Variants in GLRA2 observed in about 807,000 individuals in gnomAD.
The protein encoded by GLRA2 is glycine receptor alpha 2, also known as glycine receptor subunit alpha-2.
In GLRA2, 11 loss-of-function variants were observed where a neutral mutation model predicts 31.6. The observed-to-expected ratio is 0.35, with a 90% CI of 0.22 to 0.58. GLRA2 has a LOEUF of 0.58. Among genes scored for constraint, GLRA2 ranks in the 20% least tolerant of loss-of-function variants. The pLI is 0.84. For missense variants in GLRA2, 212 were observed against 351.8 expected, an observed-to-expected ratio of 0.60 and a Z score of 3.18; for synonymous variants, 132 against 134.0, an observed-to-expected ratio of 0.99 and a Z score of 0.10.
chrX:14,570,426 A>C (rs1331473507), intron 2 of GLRA2, among the ~76,000 whole-genome samples: 1 of 112,130 alleles, frequency 8.9e-6, no homozygotes. Flanking sequence ...ATTTCCAAGG[A>C]CATTTATGAA....
chrX:14,578,843 C>T (rs975760356), intron 3 of GLRA2, among the ~76,000 whole-genome samples: 2 of 111,480 alleles, frequency 1.8e-5, no homozygotes, highest in African/African-American at 6.5e-5. Context: ...TGCTCTCTTC[C>T]CAGCTTCCAA....
At chrX:14,527,051 G>A (rs2089189768), upstream of GLRA2, among the ~76,000 whole-genome samples, 1 of 111,492 alleles carries the variant, frequency 9.0e-6, no homozygotes, top group African/African-American at 3.3e-5. Flanking sequence ...GAAATGTCAA[G>A]TAAGATGAGA....
At chrX:14,598,041 ATAGGTTCCAGCCCC>A (rs2090226864) in intron 4 of GLRA2, among the ~76,000 whole-genome samples, 1 of 111,461 alleles carries the variant, frequency 9.0e-6, no homozygotes, top group East Asian at 2.8e-4. Flanking sequence ...AAGGAGCACC[ATAGGTTCCAGCCCC>A]CAGATGTGTC....
chrX:14,476,761 T>C, the GLRA2 span, among the ~76,000 whole-genome samples: 2 of 112,340 alleles, frequency 1.8e-5, no homozygotes. Context: ...TATATTGGCT[T>C]CTTTCCTCCC....
At chrX:14,581,829 A>G (rs2090020625) in intron 4 of GLRA2, among the ~76,000 whole-genome samples, 2 of 109,734 alleles carry the variant, frequency 1.8e-5, no homozygotes, top group Admixed American at 9.8e-5. Context: ...CAGCATAGTC[A>G]TTAACAACAT....
chrX:14,552,913 C>A (rs1422919757), intron 2 of GLRA2, among the ~76,000 whole-genome samples: 3 of 111,926 alleles, frequency 2.7e-5, no homozygotes, highest in Non-Finnish European at 5.6e-5. Context: ...ATTAGCAACT[C>A]TCATGTCCTC....
intron 2 of GLRA2, among the ~76,000 whole-genome samples, chrX:14,558,131 T>G (rs1236217791): frequency 8.9e-6 from 1 of 112,093 alleles, no homozygotes; most frequent in Non-Finnish European, 1.9e-5. Context: ...AGTTGTAGTC[T>G]CCAAGATTTC....
intron 6 of GLRA2, 128 bp downstream of exon 6, chrX:14,607,396 C>A: frequency 1.9e-6 from 1 of 520,092 alleles, no homozygotes; most frequent in Non-Finnish European, 3.1e-6. Context: ...TCGCACGGAC[C>A]TGATTTGGCT....
At chrX:14,497,070 C>G in the GLRA2 span, among the ~76,000 whole-genome samples, 11 of 112,046 alleles carry the variant, frequency 9.8e-5, no homozygotes, top group Admixed American at 9.5e-4. Flanking sequence ...AAACACCATG[C>G]GTCTGATATT....
the GLRA2 span, among the ~76,000 whole-genome samples, chrX:14,467,600 C>A: frequency 1.8e-5 from 2 of 111,989 alleles, no homozygotes; most frequent in African/African-American, 6.5e-5. Context: ...TACTTTATTA[C>A]CACCAGGAAA....
At chrX:14,647,945 TATC>T (rs1249979439) in intron 7 of GLRA2, among the ~76,000 whole-genome samples, 1 of 112,385 alleles carries the variant, frequency 8.9e-6, no homozygotes, top group Admixed American at 9.4e-5. Context: ...TGGAGGATAA[TATC>T]ATAGAATCCT....
In GLRA2 at chrX:14,561,889, A is replaced by G. The variant is rs747113666; in HGVS notation, c.203-12444A>G. Among the ~76,000 whole-genome samples the G allele has an allele frequency of 3.6e-5, 4 of 112,151 alleles. No homozygotes were observed. In the East Asian group the frequency reaches 1.1e-3, roughly 31 times the overall value. ...TGCCTTTAGTCCTTTGAATAGTTCT[A>G]TTGTTATCATCTAACATATATATTG... On this transcript the variant is annotated intron_variant, in intron 2 of 8. Coordinates refer to ENST00000218075, the MANE Select transcript of GLRA2 (RefSeq NM_002063.4).
chrX:14,681,891 C>CAAAAAAAAAAAAAAA (rs1157722406), intron 7 of GLRA2, among the ~76,000 whole-genome samples: 1 of 26,689 alleles, frequency 3.7e-5, no homozygotes, highest in Non-Finnish European at 8.2e-5. Flanking sequence ...GACACCATCT[C>CAAAAAAAAAAAAAAA]AAAAAAAAAA....
intron 3 of GLRA2, among the ~76,000 whole-genome samples, chrX:14,579,235 A>G (rs2089989542): frequency 8.9e-6 from 1 of 112,089 alleles, no homozygotes; most frequent in South Asian, 3.8e-4. Context: ...AGCTGCGTAA[A>G]CAAGTTATAA....
intron 2 of GLRA2, among the ~76,000 whole-genome samples, chrX:14,573,563 T>C (rs1239248088): frequency 2.7e-5 from 3 of 110,483 alleles, no homozygotes; most frequent in African/African-American, 9.9e-5. Flanking sequence ...AAGCAGAGAA[T>C]CATCAGACAG....
intron 3 of GLRA2, 162 bp downstream of exon 3, chrX:14,574,562 G>A (rs1014803139): frequency 6.1e-6 from 7 of 1,144,870 alleles, no homozygotes; most frequent in Non-Finnish European, 6.0e-6. Flanking sequence ...CTACAATGGT[G>A]AGTGGGACTG....
chrX:14,716,269 T>C (rs1569526310), intron 8 of GLRA2, among the ~76,000 whole-genome samples: 4 of 111,520 alleles, frequency 3.6e-5, no homozygotes, highest in Non-Finnish European at 5.7e-5. Context: ...GTCCTATCTC[T>C]TCATTTTAAA....
At chrX:14,485,205 G>T in the GLRA2 span, among the ~76,000 whole-genome samples, 1 of 112,094 alleles carries the variant, frequency 8.9e-6, no homozygotes, top group African/African-American at 3.2e-5. Flanking sequence ...ACTTGAGTGT[G>T]AGGTTATCTC....
intron 4 of GLRA2, among the ~76,000 whole-genome samples, chrX:14,602,352 G>GTTGTTTGTTTGT (rs368812932): frequency 6.5e-4 from 68 of 104,217 alleles, no homozygotes; most frequent in Non-Finnish European, 9.7e-4. Flanking sequence ...TGTACAAACC[G>GTTGTTTGTTTGT]TTGTTTGTTT....
Sources: gnomAD v4.1 joint callset for allele counts (sites outside exome capture counted in the v4.1 genomes callset) on GRCh38, gnomAD v4.1.1 for gene constraint, MANE v1.5 for transcripts, NCBI Gene and HGNC (gene_info 2026-07-23, HGNC 2026-07-21) for gene names.